Variants in KCNRG observed in about 807,000 individuals in gnomAD.
The protein encoded by KCNRG is potassium channel regulator, also known as potassium channel regulatory protein.
KCNRG carries 17 observed loss-of-function variants against 17.7 expected under a neutral mutation model. That is an observed-to-expected ratio of 0.96 (90% CI 0.66 to 1.44). The LOEUF (loss-of-function observed/expected upper bound fraction) is 1.44, where lower values mean the gene tolerates loss of function less well. Among genes scored for constraint, KCNRG ranks in the 40% most tolerant of loss-of-function variants. KCNRG has a pLI of 0.00. For missense variants in KCNRG, 311 were observed against 321.1 expected, an observed-to-expected ratio of 0.97 and a Z score of 0.24; for synonymous variants, 97 against 116.5, an observed-to-expected ratio of 0.83 and a Z score of 1.08.
Position 50,020,525 on chromosome 13 carries a change from T to C in KCNRG, c.*71T>C. 6.8e-7 allele frequency: 1 copy of C among 1,478,230 alleles called. No homozygotes were observed. Among genetic ancestry groups the C allele is most frequent in the South Asian group, 1.2e-5 (1 of 80,230 alleles). 91.6% of individuals were successfully genotyped at this position (1,478,230 alleles called of 1,614,324 possible). A position where few individuals can be genotyped will look rare whatever the true frequency, so the allele number is the denominator to read the frequency against. On this transcript the variant is annotated 3_prime_UTR_variant, in exon 2 of 2. Coordinates refer to ENST00000312942, the MANE Select transcript of KCNRG (RefSeq NM_173605.2). ...CATTACGTATTTAGGGCATACATGTTAGCCAAATCTACACTCAGCCTAACT... is the reference window on the plus strand; with the variant it reads ...CATTACGTATTTAGGGCATACATGTCAGCCAAATCTACACTCAGCCTAACT...
At position 50,020,708 on chromosome 13, in the gene KCNRG, T is replaced by C; in HGVS notation, c.*254T>C. The C allele has an allele frequency of 2.6e-6, 1 of 388,956 alleles. No individual in the cohort carries two copies. 24.1% of individuals were successfully genotyped at this position (388,956 alleles called of 1,614,324 possible). On this transcript the variant is annotated 3_prime_UTR_variant, in exon 2 of 2. Transcript: ENST00000312942. ...TTCCCTTTCTCTTCTTCATGAATGC[T>C]TATGAGCCGAGATTGCGCCACTGCA...
intron 1 of KCNRG, chr13:50,016,892 CG>C (rs1876662692): frequency 6.2e-6 from 1 of 160,904 alleles, no homozygotes; most frequent in Admixed American, 6.8e-5. Flanking sequence ...TAAAGGTAGG[CG>C]TATTTTAAGA....
rs765481496 is a variant in KCNRG at position 50,015,829 on chromosome 13, A to T, written c.336A>T (p.Val112=). 4 of 1,614,056 alleles carry T rather than the reference A, an allele frequency of 2.5e-6. No homozygotes were observed. The African/African-American group carries it at 5.3e-5, about 22-fold the overall frequency. ...LLQPRPALVE[V]HFLSRNTQAF... ...AGCCAAGACCTGCTCTTGTGGAGGT[A>T]CATTTCCTAAGCCGGAACACTCAAG... The change falls in exon 1 of 2, where the codon GTA becomes GTT. Residue 112 remains valine (V), a synonymous_variant. Coordinates refer to ENST00000312942, the MANE Select transcript of KCNRG (RefSeq NM_173605.2).
In KCNRG at chr13:50,020,268, C is replaced by T. The variant is rs148499622; in HGVS notation, c.633C>T (p.Leu211=). The T allele has an allele frequency of 4.1e-5, 66 of 1,613,908 alleles. 1 individual carries two copies. The African/African-American group carries it at 5.1e-4, about 12-fold the overall frequency. ...NRKLANGTNV[L]GLLIDTLLKE... is the part of the protein sequence containing the mutation. ...AATTGGCCAACGGAACAAATGTCCT[C>T]GGCTTACTGATTGACACTTTATTAA... The change falls in exon 2 of 2, where the codon CTC becomes CTT. Residue 211 remains leucine, a synonymous_variant. Transcript: ENST00000312942.
At chr13:50,019,647 T>C (rs1421218074) in intron 1 of KCNRG, among the ~76,000 whole-genome samples, 1 of 152,204 alleles carries the variant, frequency 6.6e-6, no homozygotes, top group South Asian at 2.1e-4. Context: ...CTTTAGAAAG[T>C]GATCTCTCAA....
At chr13:50,018,264 G>T (rs1311282812) in intron 1 of KCNRG, 1 of 166,888 alleles carries the variant, frequency 6.0e-6, no homozygotes, top group Non-Finnish European at 1.5e-5. Flanking sequence ...TGTCTTGCAA[G>T]TACGTTCCAC....
chr13:50,019,520 G>C (rs530980981), intron 1 of KCNRG, among the ~76,000 whole-genome samples: 2 of 152,314 alleles, frequency 1.3e-5, no homozygotes, highest in East Asian at 3.9e-4. Context: ...AGGGGAAATT[G>C]TAAGTGCACA....
chr13:50,020,745 G>A lies in KCNRG; in HGVS notation c.*291G>A. 3.5e-6 allele frequency: 1 copy of A among 289,360 alleles called. No individual in the cohort carries two copies. The highest frequency in any genetic ancestry group is 1.1e-3 in the Middle Eastern group (1 of 928). 17.9% of individuals were successfully genotyped at this position (289,360 alleles called of 1,614,324 possible). On this transcript the variant is annotated 3_prime_UTR_variant, in exon 2 of 2. Coordinates refer to ENST00000312942, the MANE Select transcript of KCNRG (RefSeq NM_173605.2). ...ATTGCGCCACTGCACACTAGCTTGGGTGACAGAGGAAGACTGTCTCAAAAA... is the reference window on the plus strand; with the variant it reads ...ATTGCGCCACTGCACACTAGCTTGGATGACAGAGGAAGACTGTCTCAAAAA...
chr13:50,020,103 C>A, intron 1 of KCNRG, 111 bp from the exon 2 acceptor site: 3 of 919,348 alleles, frequency 3.3e-6, no homozygotes, highest in East Asian at 2.5e-5. Flanking sequence ...AAAAAAAAAT[C>A]TGTCTTGAGA....
Position 50,020,493 on chromosome 13 carries a change from C to T in KCNRG, c.*39C>T, listed in dbSNP as rs1373089628. 1.9e-6 allele frequency: 3 copies of T among 1,598,464 alleles called. No individual in the cohort carries two copies. In the South Asian group the frequency reaches 3.3e-5, roughly 18 times the overall value. ...CTTTTAAAGAGAAATTGCCATTTTT[C>T]TTGTTTCATTACGTATTTAGGGCAT... is the stretch of plus-strand genomic sequence containing the variant. On this transcript the variant is annotated 3_prime_UTR_variant, in exon 2 of 2. Transcript: ENST00000312942.
At position 50,020,405 on chromosome 13, in the gene KCNRG, CA is replaced by C; in HGVS notation, c.774del (p.Lys258AsnfsTer13). 2 of 1,613,886 alleles carry C rather than the reference CA, an allele frequency of 1.2e-6. No homozygotes were observed. Among genetic ancestry groups the C allele is most frequent in the Non-Finnish European group, 1.7e-6 (2 of 1,179,812 alleles). ...GAAGTGCTCATCACGAATGAAACAC[CA>C]AAACCAGAGACTATCATCATACCAG... ...SPEVLITNET[P>X]KPETIIIPEQ... On this transcript the variant is annotated frameshift_variant, in exon 2 of 2. Coordinates refer to ENST00000312942, the MANE Select transcript of KCNRG (RefSeq NM_173605.2). LOFTEE classifies it high-confidence loss of function.
intron 1 of KCNRG, chr13:50,016,790 G>A (rs1360604887): frequency 6.0e-6 from 1 of 166,524 alleles, no homozygotes; most frequent in African/African-American, 2.4e-5. Context: ...TACCAACTGT[G>A]AAAGCTGGCT....
In KCNRG at chr13:50,016,746, C is replaced by G. The variant is rs374704745; in HGVS notation, c.578+675C>G. On this transcript the variant is annotated intron_variant, in intron 1 of 1. Transcript: ENST00000312942. Reference sequence around the variant, plus strand: ...CTGCTGTCACAAACATTTTTCCCCCCGTAAAATGTCTTAATGCTGTCCTAC... The same window carrying G: ...CTGCTGTCACAAACATTTTTCCCCCGGTAAAATGTCTTAATGCTGTCCTAC... 7.8e-5 allele frequency: 13 copies of G among 167,130 alleles called. 1 individual carries two copies. The highest frequency in any genetic ancestry group is 2.2e-4 in the African/African-American group (9 of 41,550). 10.4% of individuals were successfully genotyped at this position (167,130 alleles called of 1,614,324 possible). A position where few individuals can be genotyped will look rare whatever the true frequency, so the allele number is the denominator to read the frequency against.
intron 1 of KCNRG, chr13:50,017,242 T>A (rs1401508005): frequency 6.0e-6 from 1 of 167,048 alleles, no homozygotes; most frequent in Non-Finnish European, 1.5e-5. Context: ...GATTATGACC[T>A]CTTTGGGGAT....
chr13:50,017,614 A>G (rs1231046567), intron 1 of KCNRG: 12 of 166,996 alleles, frequency 7.2e-5, no homozygotes, highest in Non-Finnish European at 1.5e-4. Flanking sequence ...TTGAAGCTCA[A>G]AATTTTTACC....
At chr13:50,020,000 T>C (rs1459060475) in intron 1 of KCNRG, among the ~76,000 whole-genome samples, 2 of 147,806 alleles carry the variant, frequency 1.4e-5, no homozygotes, top group East Asian at 4.0e-4. Flanking sequence ...ATCACACCAC[T>C]ACACACCAGT....
At chr13:50,019,765 C>T (rs994764202) in intron 1 of KCNRG, among the ~76,000 whole-genome samples, 11 of 151,976 alleles carry the variant, frequency 7.2e-5, no homozygotes, top group African/African-American at 1.4e-4. Flanking sequence ...TAGCCTAGCA[C>T]GGTGGCTCAT....
Position 50,015,657 on chromosome 13 carries a change from G to A in KCNRG, c.164G>A (p.Gly55Asp), listed in dbSNP as rs777085665. 4 of 1,614,046 alleles carry A rather than the reference G, an allele frequency of 2.5e-6. No homozygotes were observed. Among genetic ancestry groups the A allele is most frequent in the Non-Finnish European group, 3.4e-6 (4 of 1,180,018 alleles). Residue 55 changes from glycine (G) to aspartate (D), a missense_variant, in exon 1 of 2, where the codon GGT becomes GAT. By Grantham distance (94) the Gly-to-Asp change is moderately conservative. Coordinates refer to ENST00000312942, the MANE Select transcript of KCNRG (RefSeq NM_173605.2). ...GGCCAGATTTTTGTAGACAGAGATG[G>A]TGATTTGTTTAGTTTCATCTTAGAT... ...VGGQIFVDRD[G>D]DLFSFILDFL...
At chr13:50,019,596 G>C (rs1877020730) in intron 1 of KCNRG, among the ~76,000 whole-genome samples, 1 of 150,282 alleles carries the variant, frequency 6.7e-6, no homozygotes. Context: ...ATTGGAAATA[G>C]TTATATAAAA....
Sources: gnomAD v4.1 joint callset for allele counts (sites outside exome capture counted in the v4.1 genomes callset) on GRCh38, gnomAD v4.1.1 for gene constraint, MANE v1.5 for transcripts, NCBI Gene and HGNC (gene_info 2026-07-23, HGNC 2026-07-21) for gene names.